SCAMP1: variants seen among roughly 807,000 people sequenced by gnomAD.
SCAMP1 encodes secretory carrier membrane protein 1, also known as secretory carrier-associated membrane protein 1.
In SCAMP1, 15 loss-of-function variants were observed where a neutral mutation model predicts 41.8. That is an observed-to-expected ratio of 0.36 (90% confidence interval 0.24 to 0.55). SCAMP1 has a LOEUF of 0.55. SCAMP1 is among the 20% of genes least tolerant of loss of function. The pLI is 0.86. For synonymous variants in SCAMP1, 135 were observed against 136.8 expected, an observed-to-expected ratio of 0.99 and a Z score of 0.09; for missense variants, 341 against 412.6, an observed-to-expected ratio of 0.83 and a Z score of 1.50.
At chr5:78,474,401 A>T (rs1412821529) in intron 8 of SCAMP1, among the ~76,000 whole-genome samples, 3 of 152,162 alleles carry the variant, frequency 2.0e-5, no homozygotes, top group Non-Finnish European at 4.4e-5. Context: ...GCAGGCCTAG[A>T]GTAGGTTGTC....
intron 6 of SCAMP1, among the ~76,000 whole-genome samples, chr5:78,441,366 T>C (rs974431455): frequency 1.3e-5 from 2 of 152,204 alleles, no homozygotes; most frequent in African/African-American, 4.8e-5. Context: ...ATAGTTGATT[T>C]AGGGTTTGAA....
At chr5:78,389,458 CAG>C (rs1751432686) in intron 2 of SCAMP1, among the ~76,000 whole-genome samples, 1 of 152,040 alleles carries the variant, frequency 6.6e-6, no homozygotes, top group African/African-American at 2.4e-5. Flanking sequence ...ATTGTAGAGA[CAG>C]TGTCTTCTAT....
At chr5:78,460,818 TTCCTTTCTTG>T (rs1753586065) in intron 8 of SCAMP1, among the ~76,000 whole-genome samples, 1 of 50,944 alleles carries the variant, frequency 2.0e-5, no homozygotes, top group Non-Finnish European at 5.7e-5. Context: ...CCTTCCTTCC[TTCCTTTCTTG>T]TCTTTCCTCT....
At chr5:78,360,845 G>C in intron 1 of SCAMP1, 117 bp downstream of exon 1, 1 of 1,009,116 alleles carries the variant, frequency 9.9e-7, no homozygotes, top group Non-Finnish European at 1.5e-6. Flanking sequence ...GCCCAGAGAG[G>C]GGCGCGGGGC....
chr5:78,427,472 CAG>C (rs1752496232), intron 6 of SCAMP1, among the ~76,000 whole-genome samples: 1 of 152,120 alleles, frequency 6.6e-6, no homozygotes, highest in Admixed American at 6.5e-5. Flanking sequence ...CAAACTGTAA[CAG>C]CGTGTACAAG....
chr5:78,418,776 T>G lies in SCAMP1; in HGVS notation c.345T>G (p.Gly115=), dbSNP rs751061053. The G allele has an allele frequency of 3.3e-6, 5 of 1,514,412 alleles. No individual in the cohort carries two copies. The highest frequency in any genetic ancestry group is 4.4e-6 in the Non-Finnish European group (5 of 1,127,200). 93.8% of individuals were successfully genotyped at this position (1,514,412 alleles called of 1,614,324 possible). The part of the protein sequence containing the change: ...EREMQNLSQH[G]RKNNWPPLPS... The stretch of plus-strand genomic sequence containing the variant: ...TCTTTTTCTAAAAAAAATTTACAGG[T>G]AGAAAAAATAATTGGCCACCTCTTC... The change falls in exon 5 of 9, where the codon GGT becomes GGG. Residue 115 remains glycine (G), a splice_region_variant and synonymous_variant. Coordinates refer to ENST00000621999, the MANE Select transcript of SCAMP1 (RefSeq NM_004866.6).
At chr5:78,396,701 A>G (rs1751659689) in intron 2 of SCAMP1, among the ~76,000 whole-genome samples, 1 of 152,182 alleles carries the variant, frequency 6.6e-6, no homozygotes, top group Non-Finnish European at 1.5e-5. Context: ...GTGCACTCGA[A>G]TATTGGAGGT....
In SCAMP1 at chr5:78,388,929, G is replaced by A. The variant is rs778389151; in HGVS notation, c.135+15G>A. On this transcript the variant is annotated intron_variant, in intron 2 of 8. Coordinates refer to ENST00000621999, the MANE Select transcript of SCAMP1 (RefSeq NM_004866.6). ...ATTCTAGAACAGTAAGATTATTCTT[G>A]CTTTTAAATGTTTAAATTGAAATTC... The A allele has an allele frequency of 7.8e-7, 1 of 1,286,166 alleles. No homozygotes were observed. Among genetic ancestry groups the A allele is most frequent in the Admixed American group, 2.3e-5 (1 of 43,148 alleles). 79.7% of individuals were successfully genotyped at this position (1,286,166 alleles called of 1,614,324 possible). A position where few individuals can be genotyped will look rare whatever the true frequency, so the allele number is the denominator to read the frequency against.
At chr5:78,378,841 ACTAT>A (rs528757316) in intron 1 of SCAMP1, among the ~76,000 whole-genome samples, 7 of 152,212 alleles carry the variant, frequency 4.6e-5, no homozygotes, top group Non-Finnish European at 1.0e-4. Context: ...ACAAAATAAG[ACTAT>A]CTGAGAATCT....
Position 78,462,231 on chromosome 5 carries a change from A to T in SCAMP1, c.852+2869A>T, listed in dbSNP as rs117237378. ...TGTGTGTGTGTGTGTGTGTGTGTCT[A>T]TTGTAAATGGGATTGGGTTCTTTAT... On this transcript the variant is annotated intron_variant, in intron 8 of 8. Coordinates refer to ENST00000621999, the MANE Select transcript of SCAMP1 (RefSeq NM_004866.6). Among the ~76,000 whole-genome samples, 14 of 126,978 alleles carry T rather than the reference A, an allele frequency of 1.1e-4. No individual in the cohort carries two copies. The East Asian group carries it at 3.4e-3, about 31-fold the overall frequency. 83.3% of individuals were successfully genotyped at this position (126,978 alleles called of 152,430 possible).
intron 6 of SCAMP1, among the ~76,000 whole-genome samples, chr5:78,437,074 TC>T (rs1285644892): frequency 6.6e-6 from 1 of 152,218 alleles, no homozygotes; most frequent in African/African-American, 2.4e-5. Context: ...TGATTTTGTA[TC>T]CTGAGACTTT....
chr5:78,401,764 G>C (rs1751805084), intron 2 of SCAMP1, among the ~76,000 whole-genome samples: 1 of 151,930 alleles, frequency 6.6e-6, no homozygotes, highest in African/African-American at 2.4e-5. Flanking sequence ...TGAGTTTATC[G>C]ATCTTTTGAA....
At position 78,450,050 on chromosome 5, in the gene SCAMP1, T is replaced by TA. The variant is rs1298549098; in HGVS notation, c.734+17dup. The TA allele has an allele frequency of 1.5e-6, 2 of 1,379,198 alleles. No individual in the cohort carries two copies. The highest frequency in any genetic ancestry group is 2.1e-5 in the Admixed American group (1 of 47,888). 85.4% of individuals were successfully genotyped at this position (1,379,198 alleles called of 1,614,324 possible). ...GGGGCAATTGGTAAGTTTTTTTTTT[T>TA]ACTAGTTTTCAGCTTTAATCTAATA... On this transcript the variant is annotated intron_variant, in intron 7 of 8. Coordinates refer to ENST00000621999, the MANE Select transcript of SCAMP1 (RefSeq NM_004866.6).
chr5:78,439,260 A>T (rs1752852925), intron 6 of SCAMP1, among the ~76,000 whole-genome samples: 1 of 151,612 alleles, frequency 6.6e-6, no homozygotes. Flanking sequence ...TGTCATTATG[A>T]TGTTCGCTGG....
intron 1 of SCAMP1, among the ~76,000 whole-genome samples, chr5:78,379,670 G>C (rs2112067340): frequency 6.6e-6 from 1 of 152,232 alleles, no homozygotes; most frequent in Admixed American, 6.5e-5. Flanking sequence ...TAGTCTCTTT[G>C]GAACTAAGTT....
At chr5:78,475,364 T>C in intron 8 of SCAMP1, 140 bp from the exon 9 acceptor site, 2 of 492,122 alleles carry the variant, frequency 4.1e-6, no homozygotes, top group Admixed American at 8.2e-5. Flanking sequence ...TGTGTCAGTT[T>C]GGTGGCTAAT....
intron 2 of SCAMP1, among the ~76,000 whole-genome samples, chr5:78,403,659 A>AAAACT (rs1229574197): frequency 7.9e-5 from 12 of 152,104 alleles, no homozygotes; most frequent in Non-Finnish European, 1.6e-4. Context: ...AAAACAAAAC[A>AAAACT]AAGAACAAAA....
rs114002993 is a variant in SCAMP1, at chr5:78,405,502, C to T, written c.136-10018C>T. Reference sequence around the variant, plus strand: ...TTGTTCAAATATTGACTTCCCCAATCACCTTTATAAACTTATTCTGTCAGC... The same window carrying T: ...TTGTTCAAATATTGACTTCCCCAATTACCTTTATAAACTTATTCTGTCAGC... On this transcript the variant is annotated intron_variant, in intron 2 of 8. Transcript: ENST00000621999. 4.6e-3 allele frequency among the ~76,000 whole-genome samples: 702 copies of T among 152,298 alleles called. 8 individuals carry two copies. Among genetic ancestry groups the T allele is most frequent in the African/African-American group, 0.016 (675 of 41,562 alleles).
chr5:78,374,275 C>T (rs1751012717), intron 1 of SCAMP1, among the ~76,000 whole-genome samples: 1 of 152,070 alleles, frequency 6.6e-6, no homozygotes, highest in Admixed American at 6.6e-5. Context: ...CCTCAGTTCC[C>T]CTAAATGCAG....
Sources: allele counts gnomAD v4.1 joint callset (sites outside exome capture counted in the v4.1 genomes callset), GRCh38; gene constraint gnomAD v4.1.1; transcripts MANE v1.5; gene names NCBI Gene and HGNC (gene_info 2026-07-23, HGNC 2026-07-21).